Variants in SNW1 observed in about 807,000 individuals in gnomAD.
The protein encoded by SNW1 is SNW domain containing 1.
Under a neutral mutation model 75.6 loss-of-function variants are expected in SNW1, and 9 were observed. The ratio of observed to expected loss-of-function variants is 0.12; its 90% CI spans 0.07 to 0.21. The LOEUF (loss-of-function observed/expected upper bound fraction) is 0.21. SNW1 is among the 10% of genes least tolerant of loss of function. The pLI is 1.00. For synonymous variants in SNW1, 200 were observed against 219.1 expected, an observed-to-expected ratio of 0.91 and a Z score of 0.77; for missense variants, 409 against 670.9, an observed-to-expected ratio of 0.61 and a Z score of 4.31.
At chr14:77,741,915 G>A (rs1441935523) in intron 3 of SNW1, among the ~76,000 whole-genome samples, 2 of 152,058 alleles carry the variant, frequency 1.3e-5, no homozygotes, top group African/African-American at 4.8e-5. Flanking sequence ...CCTTATTTGG[G>A]CATTCCAAAG....
chr14:77,738,308 A>C (rs1042219356), intron 5 of SNW1, among the ~76,000 whole-genome samples: 6 of 151,812 alleles, frequency 4.0e-5, no homozygotes, highest in Non-Finnish European at 5.9e-5. Context: ...CCCCCACCCC[A>C]AAAAAAAGCA....
chr14:77,744,111 G>A (rs911342769), intron 3 of SNW1, among the ~76,000 whole-genome samples: 2 of 147,720 alleles, frequency 1.4e-5, no homozygotes, highest in African/African-American at 5.0e-5. Flanking sequence ...ATTTCAGCCT[G>A]GGTGACAGAG....
At chr14:77,741,237 T>C (rs2080716743) in intron 3 of SNW1, among the ~76,000 whole-genome samples, 1 of 151,572 alleles carries the variant, frequency 6.6e-6, no homozygotes, top group African/African-American at 2.4e-5. Context: ...TTATAGGCCA[T>C]GAACAGTGAC....
chr14:77,735,474 G>A (rs537573016), intron 7 of SNW1, among the ~76,000 whole-genome samples: 1 of 152,134 alleles, frequency 6.6e-6, no homozygotes, highest in South Asian at 2.1e-4. Context: ...GTAAAGACGG[G>A]GTTTCTCCAT....
intron 8 of SNW1, among the ~76,000 whole-genome samples, chr14:77,733,236 C>T (rs565857291): frequency 6.1e-4 from 92 of 151,218 alleles, no homozygotes; most frequent in Admixed American, 1.2e-3. Flanking sequence ...AGCAGGATTT[C>T]AGAACCCAAG....
At chr14:77,734,777 C>A (rs951621536) in intron 8 of SNW1, among the ~76,000 whole-genome samples, 170 bp downstream of exon 8, 13 of 151,836 alleles carry the variant, frequency 8.6e-5, no homozygotes, top group Non-Finnish European at 1.6e-4. Flanking sequence ...ACGTGCCTGG[C>A]ATACTAACAT....
Position 77,723,246 on chromosome 14 carries a change from G to T in SNW1, c.1065C>A (p.Ile355=). The part of the protein sequence containing the change: ...EDGEARERDE[I]RHDRRKERQH... The stretch of plus-strand genomic sequence containing the variant: ...GTCTCTCTTTTCGCCTGTCATGCCG[G>T]ATTTCATCCCTCTCACGTGCCTCCC... The change falls in exon 11 of 14, where the codon ATC becomes ATA. Residue 355 remains isoleucine, a synonymous_variant. Transcript: ENST00000261531. 6.2e-7 allele frequency: 1 copy of T among 1,614,086 alleles called. No homozygotes were observed. Among genetic ancestry groups the T allele is most frequent in the Non-Finnish European group, 8.5e-7 (1 of 1,180,010 alleles).
At chr14:77,724,288 G>T (rs1196649370) in intron 10 of SNW1, among the ~76,000 whole-genome samples, 1 of 152,058 alleles carries the variant, frequency 6.6e-6, no homozygotes, top group Non-Finnish European at 1.5e-5. Context: ...GGGTAATTAG[G>T]ATATCCATCA....
chr14:77,742,529 A>G (rs1404688989), intron 3 of SNW1, among the ~76,000 whole-genome samples: 1 of 152,182 alleles, frequency 6.6e-6, no homozygotes, highest in African/African-American at 2.4e-5. Context: ...GAAAACTGGC[A>G]AAGAACTAGA....
intron 11 of SNW1, 95 bp downstream of exon 11, chr14:77,723,086 A>T (rs1300738497): frequency 2.2e-6 from 2 of 891,928 alleles, no homozygotes; most frequent in African/African-American, 1.6e-5. Context: ...TGACCTCGTG[A>T]TCCGCCCGCA....
intron 9 of SNW1, among the ~76,000 whole-genome samples, chr14:77,731,964 A>T (rs1297528948): frequency 6.6e-6 from 1 of 152,152 alleles, no homozygotes; most frequent in African/African-American, 2.4e-5. Context: ...TTGAACTCTC[A>T]ACCTCAAGGA....
intron 3 of SNW1, among the ~76,000 whole-genome samples, chr14:77,750,667 G>A (rs1187373390): frequency 3.3e-5 from 5 of 149,832 alleles, no homozygotes; most frequent in Non-Finnish European, 1.5e-5. Context: ...TTATTTACAA[G>A]AAAAAAAAAA....
chr14:77,726,041 T>TA (rs2080582468), intron 10 of SNW1, among the ~76,000 whole-genome samples: 1 of 152,218 alleles, frequency 6.6e-6, no homozygotes, highest in Admixed American at 6.5e-5. Flanking sequence ...TATAGCCTTG[T>TA]AGTATATTTT....
At chr14:77,731,268 C>A in intron 9 of SNW1, 139 bp from the exon 10 acceptor site, 1 of 928,850 alleles carries the variant, frequency 1.1e-6, no homozygotes, top group South Asian at 1.8e-5. Context: ...AACAAAGAGT[C>A]TTGTCCACTA....
Position 77,720,376 on chromosome 14 carries a change from C to G in SNW1, c.1248+335G>C. The G allele has an allele frequency of 4.8e-6, 3 of 626,352 alleles. No individual in the cohort carries two copies. In the South Asian group the frequency reaches 5.7e-5, roughly 12 times the overall value. 38.8% of individuals were successfully genotyped at this position (626,352 alleles called of 1,614,324 possible). ...TTGTGAACTCCTGACCTCAGGTGAT[C>G]TGCCCGCTTCGGCCTCCAAATGTGT... On this transcript the variant is annotated intron_variant, in intron 12 of 13. Coordinates refer to ENST00000261531, the MANE Select transcript of SNW1 (RefSeq NM_012245.3).
At chr14:77,744,641 T>C (rs2080746671) in intron 3 of SNW1, among the ~76,000 whole-genome samples, 1 of 152,108 alleles carries the variant, frequency 6.6e-6, no homozygotes, top group Non-Finnish European at 1.5e-5. Flanking sequence ...CATCATTCCC[T>C]AGAAATCAGA....
intron 7 of SNW1, 116 bp downstream of exon 7, chr14:77,735,819 TAA>T (rs1566830406): frequency 6.1e-6 from 4 of 655,252 alleles, no homozygotes; most frequent in East Asian, 5.7e-5. Flanking sequence ...TCTTGAAAAA[TAA>T]AAAAAGAAAC....
intron 10 of SNW1, 52 bp downstream of exon 10, chr14:77,730,936 G>C: frequency 6.3e-7 from 1 of 1,574,960 alleles, no homozygotes; most frequent in Non-Finnish European, 8.6e-7. Flanking sequence ...TCTAAAATAA[G>C]ATATATTTTG....
At chr14:77,751,846 CACA>C (rs1566836245) in intron 2 of SNW1, among the ~76,000 whole-genome samples, 10 of 98,872 alleles carry the variant, frequency 1.0e-4, no homozygotes, top group Admixed American at 6.4e-4. Flanking sequence ...ACACACACAC[CACA>C]CACACACACA....
Sources: gnomAD v4.1 joint callset for allele counts (sites outside exome capture counted in the v4.1 genomes callset) on GRCh38, gnomAD v4.1.1 for gene constraint, MANE v1.5 for transcripts, NCBI Gene and HGNC (gene_info 2026-07-23, HGNC 2026-07-21) for gene names.